TMEM132C: variants seen among roughly 807,000 people sequenced by gnomAD.
The protein encoded by TMEM132C is transmembrane protein 132C.
TMEM132C carries 29 observed loss-of-function variants against 61.4 expected under a neutral mutation model. The observed-to-expected ratio is 0.47, with a 90% CI of 0.35 to 0.64. TMEM132C has a LOEUF of 0.64. TMEM132C is among the 30% of genes least tolerant of loss of function. The pLI is 0.00. For synonymous variants in TMEM132C, 656 were observed against 633.1 expected, an observed-to-expected ratio of 1.04 and a Z score of -0.54; for missense variants, 1,408 against 1,476.9, an observed-to-expected ratio of 0.95 and a Z score of 0.76.
intron 1 of TMEM132C, among the ~76,000 whole-genome samples, chr12:128,397,277 C>T (rs1874994346): frequency 6.6e-6 from 1 of 152,216 alleles, no homozygotes; most frequent in Non-Finnish European, 1.5e-5. Flanking sequence ...AGGCTTTGGT[C>T]CCACAGAGGG....
chr12:128,556,254 A>G (rs892636804), intron 3 of TMEM132C, among the ~76,000 whole-genome samples: 1 of 152,212 alleles, frequency 6.6e-6, no homozygotes. Context: ...CAAGCCCCAC[A>G]GTTTATCATC....
chr12:128,426,003 C>G (rs1193430595), intron 2 of TMEM132C, among the ~76,000 whole-genome samples: 1 of 152,186 alleles, frequency 6.6e-6, no homozygotes, highest in African/African-American at 2.4e-5. Context: ...GACCCATGGC[C>G]GAGAATACAG....
At chr12:128,581,025 A>G (rs1875314909) in intron 3 of TMEM132C, among the ~76,000 whole-genome samples, 1 of 152,134 alleles carries the variant, frequency 6.6e-6, no homozygotes, top group Admixed American at 6.5e-5. Context: ...GAGAACCACT[A>G]GTTTACAACA....
intron 1 of TMEM132C, among the ~76,000 whole-genome samples, chr12:128,358,141 G>A (rs982131072): frequency 2.0e-5 from 3 of 152,132 alleles, no homozygotes; most frequent in African/African-American, 2.4e-5. Flanking sequence ...AGAGGCCCAG[G>A]GTGGAACAGT....
chr12:128,572,239 G>A (rs1243893706), intron 3 of TMEM132C, among the ~76,000 whole-genome samples: 2 of 146,158 alleles, frequency 1.4e-5, no homozygotes, highest in Non-Finnish European at 3.0e-5. Flanking sequence ...TGGGTCACAG[G>A]CCCACTGTGG....
chr12:128,525,220 C>G lies in TMEM132C; in HGVS notation c.975-18737C>G, dbSNP rs544961534. ...GATAGGCAAGGCCTTTCCAAGCACTCTATTCTAGCTTGGGTGGTTTTCTGG... is the reference window on the plus strand; with the variant it reads ...GATAGGCAAGGCCTTTCCAAGCACTGTATTCTAGCTTGGGTGGTTTTCTGG... On this transcript the variant is annotated intron_variant, in intron 2 of 8. Coordinates refer to ENST00000435159, the MANE Select transcript of TMEM132C (RefSeq NM_001136103.3). Among the ~76,000 whole-genome samples, 5 of 152,226 alleles carry G rather than the reference C, an allele frequency of 3.3e-5. No homozygotes were observed. In the South Asian group the frequency reaches 1.0e-3, roughly 32 times the overall value.
intron 1 of TMEM132C, among the ~76,000 whole-genome samples, chr12:128,397,647 G>A (rs1875008574): frequency 6.6e-6 from 1 of 152,170 alleles, no homozygotes; most frequent in African/African-American, 2.4e-5. Flanking sequence ...CCTCCTCCAA[G>A]GCCTGGGTCC....
intron 2 of TMEM132C, among the ~76,000 whole-genome samples, chr12:128,420,989 A>C (rs2136026916): frequency 6.6e-6 from 1 of 152,292 alleles, no homozygotes; most frequent in African/African-American, 2.4e-5. Flanking sequence ...AAGTTTGGGA[A>C]CCAACACTGT....
chr12:128,508,559 T>C (rs1290055327), intron 2 of TMEM132C, among the ~76,000 whole-genome samples: 1 of 152,194 alleles, frequency 6.6e-6, no homozygotes, highest in East Asian at 1.9e-4. Context: ...GCAGAGCCAC[T>C]TCCTGCGGCC....
intron 3 of TMEM132C, among the ~76,000 whole-genome samples, chr12:128,609,789 C>T (rs947503146): frequency 6.6e-6 from 1 of 152,154 alleles, no homozygotes; most frequent in Admixed American, 6.5e-5. Context: ...AATCAGAGCT[C>T]CTTAGTCAGA....
intron 1 of TMEM132C, among the ~76,000 whole-genome samples, chr12:128,296,336 A>G (rs1037538659): frequency 1.3e-5 from 2 of 152,222 alleles, no homozygotes; most frequent in African/African-American, 2.4e-5. Flanking sequence ...TTCCAGGTTA[A>G]TTGATGCAGT....
At chr12:128,602,637 C>T (rs1337533150) in intron 3 of TMEM132C, among the ~76,000 whole-genome samples, 2 of 152,234 alleles carry the variant, frequency 1.3e-5, no homozygotes, top group Non-Finnish European at 2.9e-5. Flanking sequence ...GTGCCATCCT[C>T]ACTGCTCCAC....
At position 128,648,547 on chromosome 12, in the gene TMEM132C, G is replaced by T. The variant is rs142407544; in HGVS notation, c.1306-20870G>T. ...TGAGTGTGTTTACTGGAGTCCATCA[G>T]CATTGGATGAGTGTGTTTACTGGAG... is the stretch of plus-strand genomic sequence containing the variant. On this transcript the variant is annotated intron_variant, in intron 4 of 8. Coordinates refer to ENST00000435159, the MANE Select transcript of TMEM132C (RefSeq NM_001136103.3). Among the ~76,000 whole-genome samples, 262 of 151,728 alleles carry T rather than the reference G, an allele frequency of 1.7e-3. 1 individual carries two copies. The highest frequency in any genetic ancestry group is 6.0e-3 in the African/African-American group (249 of 41,370).
intron 1 of TMEM132C, among the ~76,000 whole-genome samples, chr12:128,270,608 T>C (rs1476795958): frequency 6.6e-6 from 1 of 152,180 alleles, no homozygotes; most frequent in Non-Finnish European, 1.5e-5. Flanking sequence ...GTCATCAGGG[T>C]GGAGAAGCCC....
At chr12:128,292,419 G>A (rs541015765) in intron 1 of TMEM132C, among the ~76,000 whole-genome samples, 17 of 152,286 alleles carry the variant, frequency 1.1e-4, no homozygotes, top group Non-Finnish European at 1.0e-4. Flanking sequence ...TAAGAAATGG[G>A]TTTGTCAATG....
chr12:128,313,477 C>T (rs150298198), intron 1 of TMEM132C, among the ~76,000 whole-genome samples: 1 of 152,302 alleles, frequency 6.6e-6, no homozygotes, highest in Non-Finnish European at 1.5e-5. Context: ...TTCCCAAAGG[C>T]GAGAATTATC....
chr12:128,463,786 C>G (rs1292598805), intron 2 of TMEM132C, among the ~76,000 whole-genome samples: 1 of 152,080 alleles, frequency 6.6e-6, no homozygotes, highest in African/African-American at 2.4e-5. Context: ...CATTTGTGTG[C>G]CTTCCCTACT....
At chr12:128,424,454 GAA>G (rs11436326) in intron 2 of TMEM132C, among the ~76,000 whole-genome samples, 1 of 141,058 alleles carries the variant, frequency 7.1e-6, no homozygotes, top group Non-Finnish European at 1.6e-5. Flanking sequence ...ATGCTAAGTG[GAA>G]AAAAAAAAAA....
At chr12:128,351,922 T>C (rs893602610) in intron 1 of TMEM132C, among the ~76,000 whole-genome samples, 2 of 152,162 alleles carry the variant, frequency 1.3e-5, no homozygotes, top group African/African-American at 4.8e-5. Flanking sequence ...AGGAATTGGC[T>C]CATGCAATTA....
Sources: gnomAD v4.1 joint callset for allele counts (sites outside exome capture counted in the v4.1 genomes callset) on GRCh38, gnomAD v4.1.1 for gene constraint, MANE v1.5 for transcripts, NCBI Gene and HGNC (gene_info 2026-07-23, HGNC 2026-07-21) for gene names.